EPHX4: variants seen among roughly 807,000 people sequenced by gnomAD.
EPHX4 encodes abhydrolase domain containing 7.
In EPHX4, 31 loss-of-function variants were observed where a neutral mutation model predicts 44.9. The observed-to-expected ratio is 0.69, with a 90% CI of 0.52 to 0.93. The LOEUF (loss-of-function observed/expected upper bound fraction) is 0.93, where lower values mean the gene tolerates loss of function less well. Ranked by LOEUF, EPHX4 falls within the 40% of genes least tolerant of loss-of-function variation. EPHX4 has a pLI of 0.00. For synonymous variants in EPHX4, 151 were observed against 159.7 expected, an observed-to-expected ratio of 0.95 and a Z score of 0.41; for missense variants, 373 against 438.1, an observed-to-expected ratio of 0.85 and a Z score of 1.33.
chr1:92,037,766 G>T (rs1037779345), intron 2 of EPHX4, among the ~76,000 whole-genome samples: 1 of 152,286 alleles, frequency 6.6e-6, no homozygotes, highest in African/African-American at 2.4e-5. Flanking sequence ...AAAGAGATTG[G>T]TTATTTTTCC....
intron 1 of EPHX4, among the ~76,000 whole-genome samples, 182 bp downstream of exon 1, chr1:92,030,492 G>GTGTGTGTGTGTGTGT (rs1557880299): frequency 2.5e-4 from 24 of 97,090 alleles, no homozygotes; most frequent in African/African-American, 7.8e-4. Flanking sequence ...GTGTGAGAGA[G>GTGTGTGTGTGTGTGT]AGAGAGAGAG....
chr1:92,032,964 C>T (rs1284465224), intron 2 of EPHX4, among the ~76,000 whole-genome samples: 1 of 152,126 alleles, frequency 6.6e-6, no homozygotes, highest in Non-Finnish European at 1.5e-5. Context: ...GTCACCCAGG[C>T]TGGGGCACAG....
intron 2 of EPHX4, among the ~76,000 whole-genome samples, chr1:92,033,973 A>C (rs1688398723): frequency 6.7e-6 from 1 of 148,672 alleles, no homozygotes; most frequent in South Asian, 2.2e-4. Flanking sequence ...AAATAAGTAC[A>C]GATGAAAGCA....
chr1:92,037,070 C>T (rs972194565), intron 2 of EPHX4, among the ~76,000 whole-genome samples: 1 of 152,078 alleles, frequency 6.6e-6, no homozygotes, highest in African/African-American at 2.4e-5. Context: ...AAACTTCATG[C>T]ATGGCATTTC....
chr1:92,032,179 A>G (rs2101864738), intron 1 of EPHX4, among the ~76,000 whole-genome samples: 1 of 152,362 alleles, frequency 6.6e-6, no homozygotes, highest in South Asian at 2.1e-4. Flanking sequence ...ACAAATTGTG[A>G]CATTGCTTCA....
intron 6 of EPHX4, among the ~76,000 whole-genome samples, chr1:92,057,082 A>C (rs556515451): frequency 9.0e-4 from 137 of 152,258 alleles, no homozygotes; most frequent in African/African-American, 3.3e-3. Context: ...GTTATATTAG[A>C]AAAGAAGATT....
chr1:92,032,321 A>G (rs1312109276), intron 1 of EPHX4, among the ~76,000 whole-genome samples, 184 bp from the exon 2 acceptor site: 2 of 152,268 alleles, frequency 1.3e-5, no homozygotes, highest in Non-Finnish European at 2.9e-5. Flanking sequence ...TTTGAAAATT[A>G]ATAAAAGTAA....
chr1:92,036,049 CCAA>C (rs751898653), intron 2 of EPHX4, among the ~76,000 whole-genome samples: 2 of 152,096 alleles, frequency 1.3e-5, no homozygotes, highest in African/African-American at 2.4e-5. Flanking sequence ...AACAAATCAG[CCAA>C]CAATATAAAA....
intron 4 of EPHX4, among the ~76,000 whole-genome samples, chr1:92,049,265 G>A (rs926127660): frequency 2.0e-5 from 3 of 152,064 alleles, no homozygotes; most frequent in Non-Finnish European, 4.4e-5. Flanking sequence ...GTTCTCCGTA[G>A]ATCTTTGCAC....
intron 2 of EPHX4, among the ~76,000 whole-genome samples, chr1:92,037,071 A>G (rs1170019830): frequency 2.0e-5 from 3 of 152,190 alleles, no homozygotes; most frequent in Non-Finnish European, 4.4e-5. Context: ...AACTTCATGC[A>G]TGGCATTTCA....
chr1:92,055,062 G>A (rs1647333502), intron 6 of EPHX4, among the ~76,000 whole-genome samples: 1 of 151,860 alleles, frequency 6.6e-6, no homozygotes, highest in Non-Finnish European at 1.5e-5. Flanking sequence ...CAGTAGAGGG[G>A]AACAAGAAAA....
At chr1:92,051,172 G>C (rs1381840286) in intron 5 of EPHX4, among the ~76,000 whole-genome samples, 1 of 151,894 alleles carries the variant, frequency 6.6e-6, no homozygotes. Context: ...TTAGATATTG[G>C]TGAGGATTTT....
chr1:92,050,553 C>T (rs1160743956), intron 5 of EPHX4, 133 bp downstream of exon 5: 2 of 553,508 alleles, frequency 3.6e-6, no homozygotes, highest in Non-Finnish European at 6.0e-6. Flanking sequence ...AAGAACTTAA[C>T]TATAGTCTTG....
In EPHX4 at chr1:92,063,263, G is replaced by T; in HGVS notation, c.1066G>T (p.Glu356Ter). ...VNKLIWTFLK[E>*]ETRKKD is the part of the protein sequence containing the mutation. The stretch of plus-strand genomic sequence containing the variant: ...CAAATTGATATGGACATTTCTAAAA[G>T]AAGAAACAAGAAAAAAAGATTGACT... Residue 356 changes from glutamate to a stop codon, truncating the protein, a stop_gained, in exon 7 of 7, where the codon GAA becomes TAA. Coordinates refer to ENST00000370383, the MANE Select transcript of EPHX4 (RefSeq NM_173567.5). LOFTEE classifies it high-confidence loss of function. 1 of 1,589,138 alleles carries T rather than the reference G, an allele frequency of 6.3e-7. No individual in the cohort carries two copies. The highest frequency in any genetic ancestry group is 1.3e-5 in the African/African-American group (1 of 74,356).
At chr1:92,059,353 C>T (rs1647440078) in intron 6 of EPHX4, among the ~76,000 whole-genome samples, 1 of 152,136 alleles carries the variant, frequency 6.6e-6, no homozygotes, top group Non-Finnish European at 1.5e-5. Context: ...ATGAGAATCG[C>T]TTGAACCCAG....
chr1:92,030,003 G>T lies in EPHX4; in HGVS notation c.-77G>T. 9.5e-7 allele frequency: 1 copy of T among 1,057,584 alleles called. No individual in the cohort carries two copies. Among genetic ancestry groups the T allele is most frequent in the South Asian group, 3.8e-5 (1 of 26,538 alleles). The allele number at this position is 1,057,584 out of a possible 1,614,324, so 65.5% of individuals were successfully genotyped here. ...GGGAGGCGCGCGTCGAGAGGCGACG[G>T]CGGGCTGGCCTGGCGCGCTGCGGCG... On this transcript the variant is annotated 5_prime_UTR_variant, in exon 1 of 7. Coordinates refer to ENST00000370383, the MANE Select transcript of EPHX4 (RefSeq NM_173567.5).
At chr1:92,059,234 G>A (rs144503239) in intron 6 of EPHX4, among the ~76,000 whole-genome samples, 3,978 of 152,192 alleles carry the variant, frequency 0.026, 190 homozygotes, top group African/African-American at 0.091. Context: ...CCAGGAGTCC[G>A]AGACCAGCCT....
intron 2 of EPHX4, among the ~76,000 whole-genome samples, chr1:92,040,888 A>C (rs1051977226): frequency 2.6e-5 from 4 of 152,108 alleles, no homozygotes; most frequent in Admixed American, 2.6e-4. Flanking sequence ...TAGCTTGCCT[A>C]CTGCACTCCA....
rs1198014279 is a variant in EPHX4, at chr1:92,040,996, T to C, written c.318-1827T>C. Among the ~76,000 whole-genome samples, 3 of 151,846 alleles carry C rather than the reference T, an allele frequency of 2.0e-5. No individual in the cohort carries two copies. In the East Asian group the frequency reaches 5.8e-4, roughly 29 times the overall value. On this transcript the variant is annotated intron_variant, in intron 2 of 6. Transcript: ENST00000370383. ...TGTGCATGCAGATGCTTTTTTTTAA[T>C]GCATATTTTGAGTCCCATAACATAG...
Sources: allele counts gnomAD v4.1 joint callset (sites outside exome capture counted in the v4.1 genomes callset), GRCh38; gene constraint gnomAD v4.1.1; transcripts MANE v1.5; gene names NCBI Gene and HGNC (gene_info 2026-07-23, HGNC 2026-07-21).